AK9: variants seen among roughly 807,000 people sequenced by gnomAD.
AK9 encodes the protein adenylate kinase domain containing 1.
In AK9, 191 loss-of-function variants were observed where a neutral mutation model predicts 239.6. The observed-to-expected ratio is 0.80, with a 90% CI of 0.71 to 0.90. The LOEUF is 0.90. AK9 is among the 40% of genes least tolerant of loss of function. The pLI, the probability that AK9 is intolerant of heterozygous loss-of-function variation, is 0.00. For missense variants in AK9, 1,995 were observed against 2,214.7 expected (o/e 0.90, Z 1.99); for synonymous variants, 689 against 721.0 (o/e 0.96, Z 0.71).
At chr6:109,690,262 T>C (rs1268273405) in intron 1 of AK9, among the ~76,000 whole-genome samples, 1 of 152,248 alleles carries the variant, frequency 6.6e-6, no homozygotes, top group East Asian at 1.9e-4. Context: ...TCTTATACTC[T>C]TGCAGTAGGT....
In AK9 at chr6:109,564,279, A is replaced by C; in HGVS notation, c.2436T>G (p.Val812=). 1 of 1,541,058 alleles carries C rather than the reference A, an allele frequency of 6.5e-7. No homozygotes were observed. ...AGTCTTCTGGAAACTCAGGTAGTAC[A>C]ACTTTGGAGTAAAAGACAAAGGAAA... The part of the protein sequence containing the change: ...GLEIEKLSET[V]VLPEFPEDSY... Residue 812 remains valine (V), a splice_region_variant and synonymous_variant, in exon 23 of 41, where the codon GTT becomes GTG. Transcript: ENST00000424296.
At chr6:109,603,134 G>C (rs1393232921) in intron 17 of AK9, among the ~76,000 whole-genome samples, 2 of 152,204 alleles carry the variant, frequency 1.3e-5, no homozygotes, top group South Asian at 2.1e-4. Context: ...TCCCTTTGGA[G>C]GGGGAGAGGC....
At position 109,546,140 on chromosome 6, in the gene AK9, G is replaced by A. The variant is rs1562385782; in HGVS notation, c.2965-13C>T. The A allele has an allele frequency of 6.5e-7, 1 of 1,528,968 alleles. No homozygotes were observed. 94.7% of individuals were successfully genotyped at this position (1,528,968 alleles called of 1,614,324 possible). A position where few individuals can be genotyped will look rare whatever the true frequency, so the allele number is the denominator to read the frequency against. Reference sequence around the variant, plus strand: ...TTAATGGAGGAGCCTGTCACAGGGGGTGGGTCAGGGAGGGGTGGGATAAAG... The same window carrying A: ...TTAATGGAGGAGCCTGTCACAGGGGATGGGTCAGGGAGGGGTGGGATAAAG... On this transcript the variant is annotated splice_polypyrimidine_tract_variant and intron_variant, in intron 25 of 40. Coordinates refer to ENST00000424296, the MANE Select transcript of AK9 (RefSeq NM_001145128.3).
intron 10 of AK9, among the ~76,000 whole-genome samples, chr6:109,634,368 C>T (rs1488712359): frequency 6.6e-6 from 1 of 152,310 alleles, no homozygotes; most frequent in Admixed American, 6.5e-5. Flanking sequence ...TCCAAATAAA[C>T]TTATTTCTGT....
At chr6:109,614,355 G>C (rs1793913889) in intron 14 of AK9, 30 bp downstream of exon 14, 2 of 1,548,348 alleles carry the variant, frequency 1.3e-6, no homozygotes, top group Non-Finnish European at 1.7e-6. Flanking sequence ...GGATGATTTG[G>C]TCAATAACAT....
intron 25 of AK9, among the ~76,000 whole-genome samples, chr6:109,547,635 C>A (rs1331395981): frequency 6.6e-6 from 1 of 151,812 alleles, no homozygotes; most frequent in Non-Finnish European, 1.5e-5. Flanking sequence ...TTGGTCTGGG[C>A]AAAGATTTTT....
chr6:109,585,468 G>A (rs1029176261), intron 18 of AK9, among the ~76,000 whole-genome samples: 3 of 152,058 alleles, frequency 2.0e-5, no homozygotes, highest in African/African-American at 7.2e-5. Context: ...AAAAGAGGTA[G>A]TATATTATAT....
At chr6:109,661,516 T>G (rs1386838737) in intron 6 of AK9, among the ~76,000 whole-genome samples, 2 of 152,252 alleles carry the variant, frequency 1.3e-5, no homozygotes, top group Non-Finnish European at 2.9e-5. Context: ...AATCTGTCTT[T>G]TCCTAGGCTT....
chr6:109,610,611 G>A (rs757243497), intron 16 of AK9, 98 bp from the exon 17 acceptor site: 244 of 1,283,798 alleles, frequency 1.9e-4, no homozygotes, highest in Non-Finnish European at 2.5e-4. Flanking sequence ...ACCCAAGAAA[G>A]TATTATTTTC....
intron 21 of AK9, among the ~76,000 whole-genome samples, chr6:109,565,548 C>T (rs776984092): frequency 2.0e-4 from 30 of 152,060 alleles, no homozygotes; most frequent in Non-Finnish European, 3.4e-4. Flanking sequence ...GATGATATTG[C>T]AAAGTCCCAG....
chr6:109,589,799 C>T (rs1022022350), intron 17 of AK9, among the ~76,000 whole-genome samples: 7 of 151,858 alleles, frequency 4.6e-5, no homozygotes, highest in African/African-American at 1.5e-4. Flanking sequence ...ATTGAATGCT[C>T]TTCCTTCATC....
intron 1 of AK9, 113 bp from the exon 2 acceptor site, chr6:109,675,869 T>C: frequency 3.4e-6 from 2 of 585,108 alleles, no homozygotes. Flanking sequence ...TTTTGTACCA[T>C]TAAACACATG....
chr6:109,579,040 A>G (rs1302377321), intron 20 of AK9, among the ~76,000 whole-genome samples: 2 of 152,004 alleles, frequency 1.3e-5, no homozygotes, highest in African/African-American at 4.8e-5. Flanking sequence ...TATCTGTAAA[A>G]TCTATTTGCT....
intron 17 of AK9, among the ~76,000 whole-genome samples, chr6:109,594,799 T>C (rs868735018): frequency 6.7e-4 from 102 of 152,178 alleles, no homozygotes; most frequent in African/African-American, 2.4e-3. Flanking sequence ...GGAAAACTGG[T>C]GAGCCATATG....
chr6:109,660,126 C>A (rs532016149), intron 6 of AK9, among the ~76,000 whole-genome samples: 1 of 152,088 alleles, frequency 6.6e-6, no homozygotes, highest in Non-Finnish European at 1.5e-5. Flanking sequence ...ACTAAGAAAC[C>A]AATCTCAGGT....
At chr6:109,548,139 G>C (rs896469292) in intron 25 of AK9, among the ~76,000 whole-genome samples, 3 of 152,144 alleles carry the variant, frequency 2.0e-5, no homozygotes, top group Non-Finnish European at 4.4e-5. Context: ...AGCCATTATG[G>C]AAAACAGTAT....
In AK9 at chr6:109,497,326, TCACACACACACA is replaced by T. The variant is rs141968479; in HGVS notation, c.5315+127_5315+138del. 516 of 421,792 alleles carry T rather than the reference TCACACACACACA, an allele frequency of 1.2e-3. 1 individual carries two copies. The highest frequency in any genetic ancestry group is 1.7e-3 in the Non-Finnish European group (410 of 236,814). The allele number at this position is 421,792 out of a possible 1,614,324, so 26.1% of individuals were successfully genotyped here. A position where few individuals can be genotyped will look rare whatever the true frequency, so the allele number is the denominator to read the frequency against. ...TGGGATGGCAGGGACCAGTGCTTGT[TCACACACACACA>T]CACACACACACACACACACACACAC... On this transcript the variant is annotated intron_variant, in intron 38 of 40. Transcript: ENST00000424296.
At chr6:109,674,991 A>C (rs1020689448) in intron 2 of AK9, among the ~76,000 whole-genome samples, 1 of 152,196 alleles carries the variant, frequency 6.6e-6, no homozygotes, top group African/African-American at 2.4e-5. Flanking sequence ...AAACTTTATT[A>C]TAATAGCCAT....
chr6:109,592,772 G>A (rs1385996848), intron 17 of AK9, among the ~76,000 whole-genome samples: 6 of 141,936 alleles, frequency 4.2e-5, no homozygotes, highest in South Asian at 2.7e-4. Context: ...GTGATTAGAT[G>A]CTTCTCTCTT....
Sources: gnomAD v4.1 joint callset for allele counts (sites outside exome capture counted in the v4.1 genomes callset) on GRCh38, gnomAD v4.1.1 for gene constraint, MANE v1.5 for transcripts, NCBI Gene and HGNC (gene_info 2026-07-23, HGNC 2026-07-21) for gene names.